Variants in LRP1B observed in about 807,000 individuals in gnomAD.
The protein encoded by LRP1B is low-density lipoprotein receptor-related protein 1B.
Under a neutral mutation model 556.6 loss-of-function variants are expected in LRP1B, and 217 were observed. The ratio of observed to expected loss-of-function variants is 0.39; its 90% CI spans 0.35 to 0.44. The LOEUF is 0.44. LRP1B is among the 20% of genes least tolerant of loss of function. The pLI, the probability that LRP1B is intolerant of heterozygous loss-of-function variation, is 1.00. For synonymous variants in LRP1B, 2,047 were observed against 1,865.8 expected (o/e 1.10, Z -2.50); for missense variants, 5,053 against 5,620.8 (o/e 0.90, Z 3.23).
chr2:140,509,463 A>C (rs1251923320), intron 52 of LRP1B, among the ~76,000 whole-genome samples: 1 of 152,130 alleles, frequency 6.6e-6, no homozygotes, highest in African/African-American at 2.4e-5. Flanking sequence ...TACATGACCC[A>C]AGGGTTAATA....
intron 1 of LRP1B, among the ~76,000 whole-genome samples, chr2:141,864,513 G>A (rs939375716): frequency 6.6e-6 from 1 of 150,774 alleles, no homozygotes; most frequent in Non-Finnish European, 1.5e-5. Flanking sequence ...ATTAAAATAA[G>A]GATGCATTCT....
intron 3 of LRP1B, among the ~76,000 whole-genome samples, chr2:141,408,416 T>C (rs1356433888): frequency 6.6e-6 from 1 of 152,090 alleles, no homozygotes; most frequent in African/African-American, 2.4e-5. Context: ...AGTGCTGGGA[T>C]TACAGGCGTG....
At chr2:142,068,238 G>A (rs1574650841) in intron 1 of LRP1B, among the ~76,000 whole-genome samples, 2 of 150,866 alleles carry the variant, frequency 1.3e-5, no homozygotes, top group African/African-American at 4.8e-5. Flanking sequence ...TTTCAAAATG[G>A]AGTTAACTGC....
At chr2:141,597,755 T>A (rs1027945619) in intron 2 of LRP1B, among the ~76,000 whole-genome samples, 6 of 152,100 alleles carry the variant, frequency 3.9e-5, no homozygotes, top group African/African-American at 1.4e-4. Context: ...AAGGTACTTA[T>A]GTAGTTTTTC....
At chr2:141,811,125 A>G (rs1325459321) in intron 1 of LRP1B, among the ~76,000 whole-genome samples, 1 of 152,024 alleles carries the variant, frequency 6.6e-6, no homozygotes, top group Non-Finnish European at 1.5e-5. Context: ...AACTCATCAG[A>G]TGTTTGTTTT....
At chr2:142,112,008 ACT>A (rs1707004923) in intron 1 of LRP1B, among the ~76,000 whole-genome samples, 1 of 152,094 alleles carries the variant, frequency 6.6e-6, no homozygotes, top group African/African-American at 2.4e-5. Context: ...CCATATTGCC[ACT>A]GAGTATGGTA....
At chr2:140,503,127 G>A (rs2104896797) in intron 53 of LRP1B, 24 bp from the exon 54 acceptor site, 1 of 1,609,276 alleles carries the variant, frequency 6.2e-7, no homozygotes. Flanking sequence ...AAAAACATTT[G>A]ACTAATTCAC....
intron 1 of LRP1B, among the ~76,000 whole-genome samples, chr2:142,127,892 G>A (rs1285728269): frequency 6.6e-6 from 1 of 152,032 alleles, no homozygotes; most frequent in Non-Finnish European, 1.5e-5. Context: ...TTCCTTTTAA[G>A]TTTTAATCCT....
At chr2:141,681,113 G>T (rs897395106) in intron 2 of LRP1B, among the ~76,000 whole-genome samples, 19 of 151,940 alleles carry the variant, frequency 1.3e-4, no homozygotes, top group African/African-American at 4.1e-4. Flanking sequence ...GCAACATAAG[G>T]AAACCCTGTC....
chr2:141,904,175 A>G (rs1699694960), intron 1 of LRP1B, among the ~76,000 whole-genome samples: 1 of 152,008 alleles, frequency 6.6e-6, no homozygotes, highest in South Asian at 2.1e-4. Context: ...AGTGGTAGCA[A>G]TATGGACCAT....
intron 18 of LRP1B, among the ~76,000 whole-genome samples, chr2:140,972,959 T>TAC (rs1696477777): frequency 2.8e-5 from 4 of 140,486 alleles, no homozygotes; most frequent in Non-Finnish European, 3.1e-5. Context: ...TATATATATA[T>TAC]ACATATAATA....
chr2:140,601,178 G>A (rs1682656648), intron 42 of LRP1B, among the ~76,000 whole-genome samples: 1 of 150,714 alleles, frequency 6.6e-6, no homozygotes, highest in Non-Finnish European at 1.5e-5. Flanking sequence ...TTCTTCATAG[G>A]CCTTTTCCAG....
rs1553440648 is a variant in LRP1B, at chr2:140,291,318, ATT to A, written c.12967+6488_12967+6489del. ...TTATTTTATATATATATATATATATATTTTTATTATACTTTAAGTTCTAGGGT... is the reference window on the plus strand; with the variant it reads ...TTATTTTATATATATATATATATATATTTATTATACTTTAAGTTCTAGGGT... On this transcript the variant is annotated intron_variant, in intron 84 of 90. Coordinates refer to ENST00000389484, the MANE Select transcript of LRP1B (RefSeq NM_018557.3). Among the ~76,000 whole-genome samples the A allele has an allele frequency of 2.3e-4, 25 of 109,318 alleles. 3 individuals carry two copies. Among genetic ancestry groups the A allele is most frequent in the South Asian group, 6.5e-4 (2 of 3,096 alleles). The allele number at this position is 109,318 out of a possible 152,430, so 71.7% of individuals were successfully genotyped here. A position where few individuals can be genotyped will look rare whatever the true frequency, so the allele number is the denominator to read the frequency against.
chr2:141,198,227 T>C (rs563355268), intron 6 of LRP1B, among the ~76,000 whole-genome samples: 12 of 152,246 alleles, frequency 7.9e-5, no homozygotes, highest in African/African-American at 2.9e-4. Context: ...ACTTTATCCC[T>C]GGAAGGAATT....
chr2:140,322,192 A>G, intron 81 of LRP1B, 104 bp from the exon 82 acceptor site: 2 of 1,105,852 alleles, frequency 1.8e-6, no homozygotes, highest in South Asian at 1.4e-5. Context: ...AATGTTGAAA[A>G]GTAATCACAT....
intron 1 of LRP1B, among the ~76,000 whole-genome samples, chr2:141,929,732 C>CT (rs1700434586): frequency 6.6e-6 from 1 of 151,762 alleles, no homozygotes; most frequent in African/African-American, 2.4e-5. Flanking sequence ...TAGGACAGAA[C>CT]GTATGCAATT....
intron 3 of LRP1B, among the ~76,000 whole-genome samples, chr2:141,391,936 A>G (rs950465289): frequency 5.3e-5 from 8 of 152,138 alleles, no homozygotes; most frequent in Non-Finnish European, 1.0e-4. Flanking sequence ...TGTACCCACT[A>G]CTATGTATAA....
rs578133652 is a variant in LRP1B at position 141,394,035 on chromosome 2, C to T, written c.343+86361G>A. Among the ~76,000 whole-genome samples the T allele has an allele frequency of 4.4e-4, 67 of 152,044 alleles. 1 individual carries two copies. Among genetic ancestry groups the T allele is most frequent in the Admixed American group, 3.8e-3 (58 of 15,240 alleles). On this transcript the variant is annotated intron_variant, in intron 3 of 90. Transcript: ENST00000389484. ...GATTTGCAAAAAGTAATGTAACATG[C>T]CTTAGGTTGGGTATACTATGTCCCT... is the stretch of plus-strand genomic sequence containing the variant.
At chr2:142,010,570 A>G (rs1346143144) in intron 1 of LRP1B, among the ~76,000 whole-genome samples, 2 of 148,078 alleles carry the variant, frequency 1.4e-5, no homozygotes. Context: ...AAAAAAAAAA[A>G]AAAAAAAAAG....
Sources: gnomAD v4.1 joint callset for allele counts (sites outside exome capture counted in the v4.1 genomes callset) on GRCh38, gnomAD v4.1.1 for gene constraint, MANE v1.5 for transcripts, NCBI Gene and HGNC (gene_info 2026-07-23, HGNC 2026-07-21) for gene names.